Variants in NIPAL3 observed in about 807,000 individuals in gnomAD.
The protein encoded by NIPAL3 is NIPA like domain containing 3.
Under a neutral mutation model 47.2 loss-of-function variants are expected in NIPAL3, and 41 were observed. The ratio of observed to expected loss-of-function variants is 0.87; its 90% CI spans 0.68 to 1.13. NIPAL3 has a LOEUF of 1.13. NIPAL3 is among the 50% of genes most tolerant of loss of function. The probability of loss-of-function intolerance (pLI) is 0.00; values close to 1 mark genes in which losing one functional copy is unlikely to be tolerated. For missense variants in NIPAL3, 449 were observed against 530.1 expected (o/e 0.85, Z 1.50); for synonymous variants, 194 against 209.6 (o/e 0.93, Z 0.64).
At chr1:24,434,788 A>G (rs991909567) in intron 2 of NIPAL3, among the ~76,000 whole-genome samples, 8 of 152,186 alleles carry the variant, frequency 5.3e-5, no homozygotes, top group Non-Finnish European at 1.2e-4. Flanking sequence ...GAAATTCACA[A>G]AAACAAAGTG....
At chr1:24,466,219 A>C in intron 11 of NIPAL3, 1 of 864,436 alleles carries the variant, frequency 1.2e-6, no homozygotes, top group Non-Finnish European at 1.8e-6. Context: ...TTCACAGAAC[A>C]TCAGCAGCAG....
chr1:24,449,403 T>C lies in NIPAL3; in HGVS notation c.395-78T>C, dbSNP rs1240893410. The C allele has an allele frequency of 6.7e-7, 1 of 1,487,000 alleles. No individual in the cohort carries two copies. The highest frequency in any genetic ancestry group is 9.1e-7 in the Non-Finnish European group (1 of 1,098,774). 92.1% of individuals were successfully genotyped at this position (1,487,000 alleles called of 1,614,324 possible). On this transcript the variant is annotated intron_variant, in intron 5 of 11. Coordinates refer to ENST00000374399, the MANE Select transcript of NIPAL3 (RefSeq NM_020448.5). The surrounding 1 kb of genome is among the most constrained non-coding windows in gnomAD (Gnocchi z 4.5). ...ATGGTATGTTGCAGGAGAAGCCTGT[T>C]TTTTCATGGCTGAGAACGTGTACTG... is the stretch of plus-strand genomic sequence containing the variant.
At chr1:24,448,869 C>T (rs1314950820) in intron 5 of NIPAL3, among the ~76,000 whole-genome samples, 1 of 152,178 alleles carries the variant, frequency 6.6e-6, no homozygotes, top group Non-Finnish European at 1.5e-5. Flanking sequence ...TTCACAGCAA[C>T]ATTATTTTTT....
chr1:24,435,026 T>G (rs1349794058), intron 2 of NIPAL3, among the ~76,000 whole-genome samples: 1 of 152,168 alleles, frequency 6.6e-6, no homozygotes, highest in Non-Finnish European at 1.5e-5. Flanking sequence ...ACTATAGTAG[T>G]CAAGACAATA....
At chr1:24,458,614 C>T (rs1287640679) in intron 8 of NIPAL3, among the ~76,000 whole-genome samples, 1 of 151,832 alleles carries the variant, frequency 6.6e-6, no homozygotes, top group Non-Finnish European at 1.5e-5. Flanking sequence ...GTGACAGGAG[C>T]CGTGCAGCCA....
At chr1:24,452,578 C>T (rs1042905038) in intron 6 of NIPAL3, among the ~76,000 whole-genome samples, 9 of 152,210 alleles carry the variant, frequency 5.9e-5, no homozygotes, top group African/African-American at 2.2e-4. Flanking sequence ...CCCAAGGCCA[C>T]ACGACTAGTT....
At chr1:24,436,812 A>G (rs1038390366) in intron 2 of NIPAL3, among the ~76,000 whole-genome samples, 2 of 151,498 alleles carry the variant, frequency 1.3e-5, no homozygotes, top group African/African-American at 4.8e-5. Context: ...TGTTTGCCTT[A>G]TATGTGATGA....
chr1:24,448,908 G>GC (rs1423697211), intron 5 of NIPAL3, among the ~76,000 whole-genome samples: 1 of 152,266 alleles, frequency 6.6e-6, no homozygotes, highest in African/African-American at 2.4e-5. Context: ...CTCCTCAAAA[G>GC]CCCCCCAGCA....
At chr1:24,415,743 G>A (rs1643987275), upstream of NIPAL3, 2 of 708,108 alleles carry the variant, frequency 2.8e-6, no homozygotes, top group African/African-American at 1.9e-5. Flanking sequence ...CTGGCAGGCA[G>A]TCTGGCAAAT....
At position 24,469,000 on chromosome 1, in the gene NIPAL3, C is replaced by G; in HGVS notation, c.1036C>G (p.His346Asp). Residue 346 changes from histidine (H) to aspartate (D), a missense_variant, in exon 12 of 12, where the codon CAC becomes GAC. His to Asp is a moderately conservative substitution (Grantham distance 81, BLOSUM62 -1). Coordinates refer to ENST00000374399, the MANE Select transcript of NIPAL3 (RefSeq NM_020448.5). ...TTTCATTTCAGGTATGCAGAACATG[C>G]ACGATAAAGGGATGACTGTCCAGCC... ...MDAMPGMQNM[H>D]DKGMTVQPEL... is the part of the protein sequence containing the mutation. The G allele has an allele frequency of 3.7e-6, 6 of 1,614,050 alleles. No individual in the cohort carries two copies. Among genetic ancestry groups the G allele is most frequent in the East Asian group, 2.2e-5 (1 of 44,884 alleles).
intron 11 of NIPAL3, chr1:24,464,347 T>C: frequency 3.0e-6 from 1 of 334,676 alleles, no homozygotes; most frequent in Non-Finnish European, 5.4e-6. Flanking sequence ...TTGGGGATCT[T>C]TTAAATAAAA....
Position 24,445,187 on chromosome 1 carries a change from A to G in NIPAL3, c.337A>G (p.Ser113Gly). The change falls in exon 5 of 12, where the codon AGT (serine) becomes GGT (glycine). Residue 113 changes from serine to glycine, a missense_variant and splice_region_variant. Transcript: ENST00000374399. ...TTTCTTTGTGCTTCATTTTTCAGCT[A>G]GTGCCATCATAGGAATCATATTCAT... ...VPLSAVSVIA[S>G]AIIGIIFIKE... is the part of the protein sequence containing the mutation. 1 of 1,609,172 alleles carries G rather than the reference A, an allele frequency of 6.2e-7. No individual in the cohort carries two copies. Among genetic ancestry groups the G allele is most frequent in the Non-Finnish European group, 8.5e-7 (1 of 1,175,572 alleles).
intron 3 of NIPAL3, among the ~76,000 whole-genome samples, chr1:24,441,103 A>G (rs1645361644): frequency 1.3e-5 from 2 of 152,182 alleles, no homozygotes; most frequent in African/African-American, 4.8e-5. Context: ...ACCTGCTAAC[A>G]GGATGAATCC....
intron 5 of NIPAL3, 50 bp downstream of exon 5, chr1:24,445,294 T>A: frequency 7.7e-7 from 1 of 1,299,888 alleles, no homozygotes; most frequent in Non-Finnish European, 1.1e-6. Flanking sequence ...GAACGCTTTT[T>A]ATTAATTGTA....
At chr1:24,420,613 T>C (rs1289039581) in intron 2 of NIPAL3, among the ~76,000 whole-genome samples, 1 of 152,216 alleles carries the variant, frequency 6.6e-6, no homozygotes, top group Non-Finnish European at 1.5e-5. Context: ...TTTTCTAGTA[T>C]TATAAATTTG....
At chr1:24,462,379 T>G (rs543561480) in intron 10 of NIPAL3, among the ~76,000 whole-genome samples, 2 of 152,310 alleles carry the variant, frequency 1.3e-5, no homozygotes, top group South Asian at 4.2e-4. Context: ...TTATTCATCA[T>G]AGGTCTAAAT....
At position 24,469,069 on chromosome 1, in the gene NIPAL3, GACA is replaced by G. The variant is rs764198867; in HGVS notation, c.1109_1111del (p.Asn370del). 5.0e-6 allele frequency: 8 copies of G among 1,613,934 alleles called. No homozygotes were observed. Among genetic ancestry groups the G allele is most frequent in the South Asian group, 2.2e-5 (2 of 91,066 alleles). On this transcript the variant is annotated inframe_deletion, in exon 12 of 12. Coordinates refer to ENST00000374399, the MANE Select transcript of NIPAL3 (RefSeq NM_020448.5). ...TTCCTATGGGGCTCTGGAAAACAAT[GACA>G]ACATTTCTGAGATCTACGCTCCTGC...
At chr1:24,460,381 G>A in intron 9 of NIPAL3, 100 bp from the exon 10 acceptor site, 1 of 921,414 alleles carries the variant, frequency 1.1e-6, no homozygotes, top group Non-Finnish European at 1.7e-6. Context: ...GATCATTTTA[G>A]TTTCCTAAAT....
intron 3 of NIPAL3, among the ~76,000 whole-genome samples, chr1:24,441,814 T>C (rs1239721650): frequency 6.6e-6 from 1 of 152,140 alleles, no homozygotes; most frequent in Admixed American, 6.5e-5. Flanking sequence ...CAGGTGGGTA[T>C]TTTGACAGAG....
Sources: allele counts gnomAD v4.1 joint callset (sites outside exome capture counted in the v4.1 genomes callset), GRCh38; gene constraint gnomAD v4.1.1; non-coding constraint Gnocchi (gnomAD v3.1); transcripts MANE v1.5; gene names NCBI Gene and HGNC (gene_info 2026-07-23, HGNC 2026-07-21).